The following CTH variants were observed in gnomAD, a reference collection of about 807,000 sequenced individuals.
CTH encodes the protein cystathionase (cystathionine gamma-lyase).
CTH carries 41 observed loss-of-function variants against 50.6 expected under a neutral mutation model. The observed-to-expected ratio is 0.81, with a 90% confidence interval of 0.63 to 1.05. CTH has a LOEUF of 1.05. Among genes scored for constraint, CTH ranks in the 50% least tolerant of loss-of-function variants. The pLI is 0.00. For synonymous variants in CTH, 156 were observed against 168.9 expected, an observed-to-expected ratio of 0.92 and a Z score of 0.59; for missense variants, 470 against 492.6, an observed-to-expected ratio of 0.95 and a Z score of 0.43.
intron 3 of CTH, among the ~76,000 whole-genome samples, chr1:70,418,927 A>T (rs970685022): frequency 2.0e-5 from 3 of 148,528 alleles, no homozygotes; most frequent in Non-Finnish European, 3.0e-5. Flanking sequence ...CTTCCCATTA[A>T]CTCTTCATTT....
At chr1:70,437,717 A>G (rs974182110) in intron 10 of CTH, among the ~76,000 whole-genome samples, 1 of 152,212 alleles carries the variant, frequency 6.6e-6, no homozygotes, top group Admixed American at 6.5e-5. Context: ...ACAAAGGAAG[A>G]TATCCATCAC....
chr1:70,412,014 T>C (rs913842353), intron 1 of CTH, among the ~76,000 whole-genome samples: 1 of 152,258 alleles, frequency 6.6e-6, no homozygotes, highest in African/African-American at 2.4e-5. Context: ...GTACCTACTA[T>C]ATGCCAAATA....
chr1:70,416,103 C>A (rs1345743941), intron 2 of CTH, 66 bp downstream of exon 2: 2 of 960,238 alleles, frequency 2.1e-6, no homozygotes, highest in Admixed American at 1.7e-5. Context: ...CATAGAGGCA[C>A]AGAATGTGGA....
At chr1:70,434,481 C>A (rs954870865) in intron 9 of CTH, among the ~76,000 whole-genome samples, 2 of 152,184 alleles carry the variant, frequency 1.3e-5, no homozygotes, top group Non-Finnish European at 2.9e-5. Context: ...TAACAGAAAG[C>A]TGCCAGATTA....
At chr1:70,427,806 C>T (rs766174438) in intron 5 of CTH, among the ~76,000 whole-genome samples, 3 of 152,044 alleles carry the variant, frequency 2.0e-5, no homozygotes, top group Non-Finnish European at 2.9e-5. Flanking sequence ...ACCGCCTCCC[C>T]GGTTCAAGCA....
chr1:70,434,028 C>T lies in CTH; in HGVS notation c.999+79C>T, dbSNP rs572424133. On this transcript the variant is annotated intron_variant, in intron 9 of 11. Coordinates refer to ENST00000370938, the MANE Select transcript of CTH (RefSeq NM_001902.6). ...CACTATCTCTCACTTCTACTCAAGC[C>T]AGATAATGTTTTTGTATCTGCAGGT... 4 of 1,594,144 alleles carry T rather than the reference C, an allele frequency of 2.5e-6. No homozygotes were observed. In the Admixed American group the frequency reaches 6.8e-5, roughly 27 times the overall value.
intron 11 of CTH, 69 bp downstream of exon 11, chr1:70,438,895 C>G (rs560822814): frequency 1.2e-6 from 2 of 1,602,186 alleles, no homozygotes; most frequent in Admixed American, 1.7e-5. Flanking sequence ...CATGGGGGGT[C>G]ACTATATTTA....
intron 8 of CTH, among the ~76,000 whole-genome samples, chr1:70,432,837 C>T (rs550515111): frequency 9.9e-5 from 15 of 152,202 alleles, no homozygotes; most frequent in African/African-American, 3.4e-4. Context: ...GTGCCCGCCA[C>T]CACGCCCAGC....
chr1:70,415,218 T>C (rs1287547389), intron 1 of CTH, among the ~76,000 whole-genome samples: 1 of 152,072 alleles, frequency 6.6e-6, no homozygotes, highest in African/African-American at 2.4e-5. Flanking sequence ...CTGGGCAACA[T>C]AGCTAGACTG....
rs578223851 is a variant in CTH at position 70,437,718 on chromosome 1, T to C, written c.1053-970T>C. ...ACTTTAGTAAAGTGACAAAGGAAGATATCCATCACTCAGACCACAGCTGAG... is the reference window on the plus strand; with the variant it reads ...ACTTTAGTAAAGTGACAAAGGAAGACATCCATCACTCAGACCACAGCTGAG... On this transcript the variant is annotated intron_variant, in intron 10 of 11. Transcript: ENST00000370938. Among the ~76,000 whole-genome samples, 20 of 152,322 alleles carry C rather than the reference T, an allele frequency of 1.3e-4. No homozygotes were observed. In the South Asian group the frequency reaches 3.7e-3, roughly 28 times the overall value.
Position 70,430,311 on chromosome 1 carries a change from T to G in CTH, c.647-6T>G, listed in dbSNP as rs1000926548. 2 of 1,547,676 alleles carry G rather than the reference T, an allele frequency of 1.3e-6. No homozygotes were observed. The highest frequency in any genetic ancestry group is 1.8e-6 in the Non-Finnish European group (2 of 1,120,040). ...TTTTGTTTGTTTGTTTGTTTTTTGT[T>G]TTTAGGCCACAGTGATGTTGTAATG... is the stretch of plus-strand genomic sequence containing the variant. On this transcript the variant is annotated splice_region_variant and splice_polypyrimidine_tract_variant and intron_variant, in intron 6 of 11. Transcript: ENST00000370938.
intron 3 of CTH, among the ~76,000 whole-genome samples, chr1:70,418,821 A>C (rs1684151756): frequency 6.6e-6 from 1 of 152,150 alleles, no homozygotes; most frequent in African/African-American, 2.4e-5. Flanking sequence ...TTTCCCAAAA[A>C]ATGTTCTTAA....
At position 70,411,391 on chromosome 1, in the gene CTH, C is replaced by T. The variant is rs1683957467; in HGVS notation, c.-25C>T. The T allele has an allele frequency of 1.2e-6, 2 of 1,613,278 alleles. No individual in the cohort carries two copies. The highest frequency in any genetic ancestry group is 1.7e-6 in the Non-Finnish European group (2 of 1,179,230). The stretch of plus-strand genomic sequence containing the variant: ...TGGTTATATCTTCGGTGTTCTTTTC[C>T]TCTCTTCTTCTTTCGCGGTTCAGCA... On this transcript the variant is annotated 5_prime_UTR_variant, in exon 1 of 12. Coordinates refer to ENST00000370938, the MANE Select transcript of CTH (RefSeq NM_001902.6).
chr1:70,417,231 T>C (rs1212938687), intron 2 of CTH, among the ~76,000 whole-genome samples: 1 of 152,188 alleles, frequency 6.6e-6, no homozygotes, highest in Non-Finnish European at 1.5e-5. Context: ...CATATTCATA[T>C]AATTAACGTA....
rs372355771 is a variant in CTH, at chr1:70,421,652, G to A, written c.433G>A (p.Ala145Thr). 3.1e-6 allele frequency: 5 copies of A among 1,613,744 alleles called. No homozygotes were observed. The African/African-American group carries it at 5.3e-5, about 17-fold the overall frequency. ...TTGTTCCAAAATCAAATTACTAGAG[G>A]CAGCAATTACACCAGAAACCAAGGT... ...VDCSKIKLLE[A>T]AITPETKLVW... The change falls in exon 4 of 12, where the codon GCA becomes ACA. Residue 145 changes from alanine (A) to threonine (T), a missense_variant. Physicochemically the swap from Ala to Thr is moderately conservative, Grantham distance 58. Transcript: ENST00000370938.
chr1:70,421,366 T>A (rs1269726416), intron 3 of CTH, among the ~76,000 whole-genome samples, 200 bp from the exon 4 acceptor site: 1 of 152,216 alleles, frequency 6.6e-6, no homozygotes, highest in Non-Finnish European at 1.5e-5. Flanking sequence ...TATTTGACTC[T>A]TGAGCCTTTA....
intron 4 of CTH, among the ~76,000 whole-genome samples, chr1:70,422,383 CT>C (rs1368736290): frequency 6.6e-6 from 1 of 152,106 alleles, no homozygotes; most frequent in East Asian, 1.9e-4. Flanking sequence ...GGACCAGTGT[CT>C]TTTATAAGTC....
Position 70,424,312 on chromosome 1 carries a change from C to T in CTH, c.484C>T (p.Pro162Ser). 1 of 1,614,032 alleles carries T rather than the reference C, an allele frequency of 6.2e-7. No individual in the cohort carries two copies. The highest frequency in any genetic ancestry group is 8.5e-7 in the Non-Finnish European group (1 of 1,179,992). The change falls in exon 5 of 12, where the codon CCC becomes TCC. Residue 162 changes from proline to serine, a missense_variant. Coordinates refer to ENST00000370938, the MANE Select transcript of CTH (RefSeq NM_001902.6). ...TGTTTGGATCGAAACCCCCACAAAC[C>T]CCACCCAGAAGGTGATTGACATTGA... is the stretch of plus-strand genomic sequence containing the variant. ...KLVWIETPTN[P>S]TQKVIDIEGC... is the part of the protein sequence containing the mutation.
At position 70,434,822 on chromosome 1, in the gene CTH, G is replaced by A. The variant is rs146965796; in HGVS notation, c.1000-303G>A. ...GACTGGAGTTCAGTGGCATGATCTC[G>A]GCTCACTGCAACCTCCACCTCCTGG... On this transcript the variant is annotated intron_variant, in intron 9 of 11. Coordinates refer to ENST00000370938, the MANE Select transcript of CTH (RefSeq NM_001902.6). The A allele has an allele frequency of 3.0e-4, 73 of 243,216 alleles. No individual in the cohort carries two copies. The East Asian group carries it at 7.2e-3, about 24-fold the overall frequency. The allele number at this position is 243,216 out of a possible 1,614,324, so 15.1% of individuals were successfully genotyped here. A position where few individuals can be genotyped will look rare whatever the true frequency, so the allele number is the denominator to read the frequency against.
Sources: allele counts gnomAD v4.1 joint callset (sites outside exome capture counted in the v4.1 genomes callset), GRCh38; gene constraint gnomAD v4.1.1; transcripts MANE v1.5; gene names NCBI Gene and HGNC (gene_info 2026-07-23, HGNC 2026-07-21).